Variants in PRKACB observed in about 807,000 individuals in gnomAD.
The protein encoded by PRKACB is cAMP-dependent protein kinase catalytic subunit beta.
A neutral mutation model predicts 51.4 loss-of-function variants in PRKACB; 16 were observed. That is an observed-to-expected ratio of 0.31 (90% confidence interval 0.21 to 0.47). The LOEUF is 0.47. PRKACB is among the 20% of genes least tolerant of loss of function. PRKACB has a pLI of 1.00. For synonymous variants in PRKACB, 147 were observed against 154.4 expected (o/e 0.95, Z 0.35); for missense variants, 309 against 464.5 (o/e 0.67, Z 3.08).
rs754824194 is a variant in PRKACB, at chr1:84,172,774, A to G, written c.188-6403A>G. Among the ~76,000 whole-genome samples the G allele has an allele frequency of 5.4e-4, 82 of 151,758 alleles. 2 individuals are homozygous for G. The highest frequency in any genetic ancestry group is 1.2e-4 in the Non-Finnish European group (8 of 67,806). On this transcript the variant is annotated intron_variant, in intron 1 of 9. Transcript: ENST00000370685. ...ACTTGATGAAAAATTAACAAGTAATAAAACACAGAGAGGAAAGAAGAGTAA... is the reference window on the plus strand; with the variant it reads ...ACTTGATGAAAAATTAACAAGTAATGAAACACAGAGAGGAAAGAAGAGTAA...
At position 84,205,357 on chromosome 1, in the gene PRKACB, G is replaced by A. The variant is rs554358153; in HGVS notation, c.906+2552G>A. ...AAATATTATTGTCTCTCTGGTTAGT[G>A]GCTAAAAGCCAAATTGGAAACTAAC... On this transcript the variant is annotated intron_variant, in intron 8 of 9. Coordinates refer to ENST00000370685, the MANE Select transcript of PRKACB (RefSeq NM_182948.4). 4.8e-4 allele frequency: 391 copies of A among 816,182 alleles called. 1 individual carries two copies. The highest frequency in any genetic ancestry group is 5.7e-4 in the Non-Finnish European group (382 of 675,646). 50.6% of individuals were successfully genotyped at this position (816,182 alleles called of 1,614,324 possible). A position where few individuals can be genotyped will look rare whatever the true frequency, so the allele number is the denominator to read the frequency against.
intron 1 of PRKACB, among the ~76,000 whole-genome samples, chr1:84,106,880 C>T (rs867781333): frequency 6.6e-6 from 1 of 152,092 alleles, no homozygotes; most frequent in Non-Finnish European, 1.5e-5. Context: ...GTAACCAAAA[C>T]AGCATAGTAC....
chr1:84,227,118 G>C (rs1674744559), intron 9 of PRKACB, among the ~76,000 whole-genome samples: 1 of 152,034 alleles, frequency 6.6e-6, no homozygotes, highest in African/African-American at 2.4e-5. Context: ...TTAGTCTACA[G>C]TTTCTGTTTT....
intron 8 of PRKACB, among the ~76,000 whole-genome samples, chr1:84,209,887 C>G (rs1412958751): frequency 6.6e-6 from 1 of 152,168 alleles, no homozygotes; most frequent in Non-Finnish European, 1.5e-5. Flanking sequence ...GAGGTTCAAT[C>G]AATATTTGTT....
chr1:84,179,090 TGA>T, intron 1 of PRKACB, 85 bp from the exon 2 acceptor site: 1 of 1,381,526 alleles, frequency 7.2e-7, no homozygotes, highest in Non-Finnish European at 9.8e-7. Context: ...TTTTTTTAAG[TGA>T]GAAAACCATA....
intron 1 of PRKACB, chr1:84,078,438 G>C (rs1055009356): frequency 1.9e-5 from 30 of 1,573,756 alleles, no homozygotes; most frequent in Middle Eastern, 1.9e-4. Context: ...CGCCCTCCGG[G>C]TCGCAGCTTC....
intron 1 of PRKACB, among the ~76,000 whole-genome samples, chr1:84,101,721 G>GT (rs1230624118): frequency 6.6e-6 from 1 of 152,180 alleles, no homozygotes; most frequent in Admixed American, 6.5e-5. Flanking sequence ...GTTGAAGCTA[G>GT]TTACTGTATT....
intron 4 of PRKACB, among the ~76,000 whole-genome samples, chr1:84,184,532 A>G (rs1014354129): frequency 6.6e-6 from 1 of 151,850 alleles, no homozygotes; most frequent in African/African-American, 2.4e-5. Context: ...TTTCACTTAT[A>G]CAAAGCAAAA....
intron 9 of PRKACB, among the ~76,000 whole-genome samples, chr1:84,225,958 G>C (rs1674519794): frequency 6.6e-6 from 1 of 152,214 alleles, no homozygotes; most frequent in Non-Finnish European, 1.5e-5. Context: ...TCTACTCACT[G>C]TTTTGGTCCT....
intron 5 of PRKACB, among the ~76,000 whole-genome samples, chr1:84,194,098 C>T (rs1468576528): frequency 1.3e-5 from 2 of 152,104 alleles, no homozygotes; most frequent in Non-Finnish European, 2.9e-5. Context: ...TTTCTTTCCT[C>T]TCCTATCGTC....
At chr1:84,232,440 C>T (rs1474910578) in intron 9 of PRKACB, among the ~76,000 whole-genome samples, 1 of 152,122 alleles carries the variant, frequency 6.6e-6, no homozygotes, top group East Asian at 1.9e-4. Context: ...ATTAGGTCCA[C>T]TTGGTGCAGA....
At chr1:84,199,487 C>A (rs1316895675) in intron 7 of PRKACB, among the ~76,000 whole-genome samples, 2 of 152,152 alleles carry the variant, frequency 1.3e-5, no homozygotes. Flanking sequence ...TGATCTCATT[C>A]CTTTTTATAG....
chr1:84,197,544 C>T (rs1668552742), intron 6 of PRKACB, among the ~76,000 whole-genome samples, 185 bp from the exon 7 acceptor site: 1 of 151,670 alleles, frequency 6.6e-6, no homozygotes, highest in African/African-American at 2.4e-5. Context: ...GAAGGATTTC[C>T]AACTTGGATT....
intron 1 of PRKACB, among the ~76,000 whole-genome samples, chr1:84,112,033 TTATTA>T (rs1472769658): frequency 6.6e-6 from 1 of 152,142 alleles, no homozygotes; most frequent in Non-Finnish European, 1.5e-5. Flanking sequence ...CAGAGTTTAC[TTATTA>T]TATTAATAAG....
intron 1 of PRKACB, among the ~76,000 whole-genome samples, chr1:84,093,410 A>C (rs773876828): frequency 3.2e-4 from 49 of 152,126 alleles, no homozygotes; most frequent in Non-Finnish European, 5.6e-4. Flanking sequence ...AAGCACTGTA[A>C]TGACATCTTT....
Position 84,094,864 on chromosome 1 carries a change from A to G in PRKACB, c.46+16493A>G, listed in dbSNP as rs190941186. 4.1e-3 allele frequency among the ~76,000 whole-genome samples: 630 copies of G among 152,134 alleles called. 4 individuals are homozygous for G. The highest frequency in any genetic ancestry group is 0.014 in the African/African-American group (567 of 41,552). On this transcript the variant is annotated intron_variant, in intron 1 of 8. Transcript: ENST00000370688. ...AATTGCAGTCATGTGGTATGTAACAACATTTCAGTCAAAAACATACTGAAT... is the reference window on the plus strand; with the variant it reads ...AATTGCAGTCATGTGGTATGTAACAGCATTTCAGTCAAAAACATACTGAAT...
intron 5 of PRKACB, among the ~76,000 whole-genome samples, chr1:84,189,458 A>G (rs1666107588): frequency 7.2e-6 from 1 of 138,466 alleles, no homozygotes; most frequent in Non-Finnish European, 1.5e-5. Flanking sequence ...GTTCAAACTG[A>G]AAAAAAAAAA....
chr1:84,231,315 T>C lies in PRKACB; in HGVS notation c.1072-3865T>C, dbSNP rs922401971. 2.3e-3 allele frequency among the ~76,000 whole-genome samples: 344 copies of C among 152,286 alleles called. 1 individual carries two copies. Among genetic ancestry groups the C allele is most frequent in the African/African-American group, 7.8e-3 (326 of 41,540 alleles). ...AAGCTTTTGGATGTGCTGCTGGATT[T>C]GGTTTGCCAGTATTTTATTGAGGAT... is the stretch of plus-strand genomic sequence containing the variant. On this transcript the variant is annotated intron_variant, in intron 9 of 9. Coordinates refer to ENST00000370685, the MANE Select transcript of PRKACB (RefSeq NM_182948.4).
intron 1 of PRKACB, among the ~76,000 whole-genome samples, chr1:84,110,235 TA>T (rs1438340869): frequency 6.6e-6 from 1 of 151,672 alleles, no homozygotes; most frequent in East Asian, 1.9e-4. Context: ...ATAATACAAA[TA>T]AAAAACAATA....
Sources: allele counts gnomAD v4.1 joint callset (sites outside exome capture counted in the v4.1 genomes callset), GRCh38; gene constraint gnomAD v4.1.1; transcripts MANE v1.5; gene names NCBI Gene and HGNC (gene_info 2026-07-23, HGNC 2026-07-21).